The following RPRD2 variants were observed in gnomAD, a reference collection of about 807,000 sequenced individuals.
RPRD2 encodes the protein regulation of nuclear pre-mRNA domain containing 2, also known as regulation of nuclear pre-mRNA domain-containing protein 2.
A neutral mutation model predicts 104.4 loss-of-function variants in RPRD2; 12 were observed. The ratio of observed to expected loss-of-function variants is 0.11; its 90% CI spans 0.07 to 0.19. The LOEUF (loss-of-function observed/expected upper bound fraction) is 0.19. Among genes scored for constraint, RPRD2 ranks in the 10% least tolerant of loss-of-function variants. RPRD2 has a pLI of 1.00. For missense variants in RPRD2, 1,543 were observed against 1,790.1 expected (o/e 0.86, Z 2.49); for synonymous variants, 714 against 684.9 (o/e 1.04, Z -0.66).
intron 2 of RPRD2, among the ~76,000 whole-genome samples, chr1:150,438,112 T>C (rs1358897082): frequency 1.4e-5 from 2 of 146,454 alleles, no homozygotes; most frequent in African/African-American, 5.0e-5. Flanking sequence ...TGAAACCCCA[T>C]CTCAACTAAA....
At chr1:150,438,437 C>T (rs587735831) in intron 2 of RPRD2, among the ~76,000 whole-genome samples, 7 of 151,968 alleles carry the variant, frequency 4.6e-5, no homozygotes, top group African/African-American at 1.7e-4. Flanking sequence ...ACCAGCCTAA[C>T]CAACATGGTG....
rs1444018425 is a variant in RPRD2, at chr1:150,473,319, C to T, written c.4371C>T (p.Phe1457=). Residue 1457 remains phenylalanine, a synonymous_variant, in exon 11 of 11, where the codon TTC becomes TTT. Coordinates refer to ENST00000369068, the MANE Select transcript of RPRD2 (RefSeq NM_015203.5). ...PPFFAPKRPF[F]PPRY ...TCTTTGCACCAAAACGCCCATTCTTCCCTCCCAGGTACTGATGGAAACCAA... is the reference window on the plus strand; with the variant it reads ...TCTTTGCACCAAAACGCCCATTCTTTCCTCCCAGGTACTGATGGAAACCAA... 6.2e-7 allele frequency: 1 copy of T among 1,611,190 alleles called. No individual in the cohort carries two copies.
rs1314026006 is a variant in RPRD2, at chr1:150,470,851, C to A, written c.1903C>A (p.His635Asn). The A allele has an allele frequency of 6.2e-7, 1 of 1,613,878 alleles. No individual in the cohort carries two copies. The highest frequency in any genetic ancestry group is 1.3e-5 in the African/African-American group (1 of 74,940). ...PSNSLGFTAT[H>N]NTSPAAPPTE... ...CAACTCTTTGGGGTTTACAGCTACCCACAATACTAGCCCTGCTGCCCCACC... is the reference window on the plus strand; with the variant it reads ...CAACTCTTTGGGGTTTACAGCTACCAACAATACTAGCCCTGCTGCCCCACC... The change falls in exon 11 of 11, where the codon CAC becomes AAC. Residue 635 changes from histidine to asparagine, a missense_variant. Coordinates refer to ENST00000369068, the MANE Select transcript of RPRD2 (RefSeq NM_015203.5).
intron 7 of RPRD2, among the ~76,000 whole-genome samples, chr1:150,449,027 G>C (rs949311254): frequency 3.3e-5 from 5 of 152,188 alleles, no homozygotes; most frequent in Admixed American, 6.5e-5. Flanking sequence ...CACTTTGGGA[G>C]GCTGAGGTAG....
At chr1:150,394,083 A>G (rs1409350549) in intron 1 of RPRD2, among the ~76,000 whole-genome samples, 1 of 151,920 alleles carries the variant, frequency 6.6e-6, no homozygotes. Flanking sequence ...TTTCACTCTT[A>G]AAAGTTGCCC....
intron 1 of RPRD2, among the ~76,000 whole-genome samples, chr1:150,381,665 T>C (rs782050537): frequency 1.3e-5 from 2 of 151,918 alleles, no homozygotes; most frequent in African/African-American, 2.4e-5. Flanking sequence ...CCACTGCGCC[T>C]GGCTAATTTT....
intron 7 of RPRD2, among the ~76,000 whole-genome samples, chr1:150,450,504 G>A (rs1230125569): frequency 6.7e-6 from 1 of 149,944 alleles, no homozygotes; most frequent in African/African-American, 2.5e-5. Context: ...TACTCCGCAG[G>A]CTGAGGCAGG....
At chr1:150,465,215 T>TCTCAGCTCACTGCAAC (rs1164181750) in intron 10 of RPRD2, among the ~76,000 whole-genome samples, 9 of 151,984 alleles carry the variant, frequency 5.9e-5, no homozygotes, top group African/African-American at 2.2e-4. Context: ...AGTGGCCCAA[T>TCTCAGCTCACTGCAAC]CTCAGCTCAC....
At chr1:150,428,938 C>A in intron 2 of RPRD2, among the ~76,000 whole-genome samples, 1 of 151,820 alleles carries the variant, frequency 6.6e-6, no homozygotes, top group African/African-American at 2.4e-5. Flanking sequence ...CCTAGCAATT[C>A]TATAAGGTCG....
chr1:150,378,112 C>T (rs587681389), intron 1 of RPRD2, among the ~76,000 whole-genome samples: 2 of 152,212 alleles, frequency 1.3e-5, no homozygotes, highest in South Asian at 4.1e-4. Context: ...ACTTAATAAT[C>T]TTATATTTCC....
chr1:150,370,123 G>T (rs587616763), intron 1 of RPRD2, among the ~76,000 whole-genome samples: 1 of 151,834 alleles, frequency 6.6e-6, no homozygotes, highest in African/African-American at 2.4e-5. Flanking sequence ...TTGCCATGTT[G>T]CCCAGGCTGA....
chr1:150,368,644 A>T (rs1283887593), intron 1 of RPRD2, among the ~76,000 whole-genome samples: 1 of 151,910 alleles, frequency 6.6e-6, no homozygotes, highest in Admixed American at 6.6e-5. Context: ...TTGTATTTTT[A>T]GTAGACGCAG....
At chr1:150,442,126 T>TAAAA (rs59941019) in intron 4 of RPRD2, among the ~76,000 whole-genome samples, 168 bp downstream of exon 4, 28 of 126,522 alleles carry the variant, frequency 2.2e-4, no homozygotes, top group South Asian at 1.0e-3. Flanking sequence ...GAGATACTTC[T>TAAAA]AAAAAAAAAA....
rs1207013071 is a variant in RPRD2, at chr1:150,460,135, T to G, written c.1229T>G (p.Ile410Ser). ...GTACCTACAAAGCCAACAGAAAATA[T>G]CTCAAAGGCCTCTTCATGTACCCCA... ...TSVPTKPTENISKASSCTPVP... is the reference protein window; with the variant it reads ...TSVPTKPTENSSKASSCTPVP... Residue 410 changes from isoleucine to serine, a missense_variant, in exon 9 of 11, where the codon ATC (isoleucine) becomes AGC (serine). Ile to Ser is a moderately radical substitution (Grantham distance 142). Transcript: ENST00000369068. 1.2e-6 allele frequency: 2 copies of G among 1,613,890 alleles called. No homozygotes were observed. Among genetic ancestry groups the G allele is most frequent in the East Asian group, 2.2e-5 (1 of 44,876 alleles).
chr1:150,367,645 T>C (rs1374762007), intron 1 of RPRD2, among the ~76,000 whole-genome samples: 1 of 152,156 alleles, frequency 6.6e-6, no homozygotes, highest in African/African-American at 2.4e-5. Context: ...AATGAGACTT[T>C]TGTTCATATA....
intron 1 of RPRD2, among the ~76,000 whole-genome samples, chr1:150,387,567 CTTTTTTTTTTTTTTTTTTTT>C (rs562476167): frequency 0.056 from 4,116 of 73,556 alleles, 87 homozygotes; most frequent in South Asian, 0.11. Flanking sequence ...TGCAACAGAC[CTTTTTTTTTTTTTTTTTTTT>C]TTTTTTTTTT....
chr1:150,385,684 T>C (rs587641582), intron 1 of RPRD2, among the ~76,000 whole-genome samples: 1 of 152,346 alleles, frequency 6.6e-6, no homozygotes, highest in South Asian at 2.1e-4. Context: ...ATATGTGATG[T>C]AGCTGGTTAG....
chr1:150,392,864 A>T (rs1316151393), intron 1 of RPRD2, among the ~76,000 whole-genome samples: 2 of 152,004 alleles, frequency 1.3e-5, no homozygotes, highest in African/African-American at 4.8e-5. Context: ...AGAAAAGAAA[A>T]CTTCCCCAAA....
At position 150,364,655 on chromosome 1, in the gene RPRD2, C is replaced by CCCGCCGCCGCCGCCG. The variant is rs373198505; in HGVS notation, c.-48_-34dup. ...ACTCGCAGTGATTGTTTTGCCCGCT[C>CCCGCCGCCGCCGCCG]CCGCCGCCGCCGCCGCCGCCGCCGC... On this transcript the variant is annotated 5_prime_UTR_variant, in exon 1 of 11. Transcript: ENST00000369068. 8 of 895,904 alleles carry CCCGCCGCCGCCGCCG rather than the reference C, an allele frequency of 8.9e-6. No individual in the cohort carries two copies. Among genetic ancestry groups the CCCGCCGCCGCCGCCG allele is most frequent in the African/African-American group, 5.2e-5 (3 of 57,298 alleles). The allele number at this position is 895,904 out of a possible 1,614,324, so 55.5% of individuals were successfully genotyped here.
Sources: gnomAD v4.1 joint callset for allele counts (sites outside exome capture counted in the v4.1 genomes callset) on GRCh38, gnomAD v4.1.1 for gene constraint, MANE v1.5 for transcripts, NCBI Gene and HGNC (gene_info 2026-07-23, HGNC 2026-07-21) for gene names.